The following SFRP1 variants were observed in gnomAD, a reference collection of about 807,000 sequenced individuals.
The protein encoded by SFRP1 is secreted frizzled related protein 1, also known as secreted frizzled-related protein 1.
In SFRP1, 9 loss-of-function variants were observed where a neutral mutation model predicts 25.9. The observed-to-expected ratio is 0.35, with a 90% CI of 0.21 to 0.61. The LOEUF (loss-of-function observed/expected upper bound fraction) is 0.61, where lower values mean the gene tolerates loss of function less well. Ranked by LOEUF, SFRP1 falls within the 20% of genes least tolerant of loss-of-function variation. The pLI is 0.78. For missense variants in SFRP1, 346 were observed against 418.2 expected, an observed-to-expected ratio of 0.83 and a Z score of 1.51; for synonymous variants, 178 against 174.0, an observed-to-expected ratio of 1.02 and a Z score of -0.18.
At chr8:41,289,206 G>A (rs917035679) in intron 2 of SFRP1, among the ~76,000 whole-genome samples, 7 of 152,220 alleles carry the variant, frequency 4.6e-5, no homozygotes, top group African/African-American at 1.4e-4. Context: ...CACCTAGAGA[G>A]CAAGTCACAG....
intron 2 of SFRP1, 52 bp downstream of exon 2, chr8:41,303,409 A>G: frequency 7.4e-7 from 1 of 1,351,150 alleles, no homozygotes; most frequent in Non-Finnish European, 1.1e-6. Context: ...TGGCAGAGGC[A>G]CAGACCAGGA....
chr8:41,286,127 A>G (rs545333583), intron 2 of SFRP1, among the ~76,000 whole-genome samples: 16 of 152,094 alleles, frequency 1.1e-4, no homozygotes, highest in African/African-American at 3.9e-4. Flanking sequence ...ATGGGGGGAC[A>G]GGGATGGGGA....
At chr8:41,295,371 A>G (rs1803830733) in intron 2 of SFRP1, among the ~76,000 whole-genome samples, 2 of 150,556 alleles carry the variant, frequency 1.3e-5, no homozygotes, top group Admixed American at 1.3e-4. Context: ...AAAAAAAAAG[A>G]AAAAAAAATT....
At chr8:41,272,623 A>G (rs1174432361) in intron 2 of SFRP1, among the ~76,000 whole-genome samples, 1 of 152,190 alleles carries the variant, frequency 6.6e-6, no homozygotes, top group Non-Finnish European at 1.5e-5. Flanking sequence ...TTTTTTCAAG[A>G]ATATTTTTTA....
intron 2 of SFRP1, among the ~76,000 whole-genome samples, chr8:41,281,483 G>A (rs1803634587): frequency 6.6e-6 from 1 of 152,212 alleles, no homozygotes; most frequent in Non-Finnish European, 1.5e-5. Context: ...GCACAGAAGG[G>A]TTAAGCCCAT....
At chr8:41,283,583 CTT>C (rs34742703) in intron 2 of SFRP1, among the ~76,000 whole-genome samples, 12 of 139,068 alleles carry the variant, frequency 8.6e-5, no homozygotes, top group Admixed American at 1.4e-4. Flanking sequence ...CTCCAACTTT[CTT>C]TTTTTTTTTT....
chr8:41,306,372 A>T (rs1173073357), intron 1 of SFRP1, among the ~76,000 whole-genome samples: 2 of 152,200 alleles, frequency 1.3e-5, no homozygotes, highest in African/African-American at 4.8e-5. Flanking sequence ...AGAGTAGTGC[A>T]TGCATACTTA....
chr8:41,293,891 T>C (rs1448350153), intron 2 of SFRP1, among the ~76,000 whole-genome samples: 1 of 151,296 alleles, frequency 6.6e-6, no homozygotes, highest in African/African-American at 2.4e-5. Flanking sequence ...TCCCACCAAG[T>C]AGCTGGGACC....
intron 2 of SFRP1, among the ~76,000 whole-genome samples, chr8:41,267,645 G>A (rs974417506): frequency 2.0e-5 from 3 of 152,150 alleles, no homozygotes; most frequent in African/African-American, 4.8e-5. Flanking sequence ...AGTATTTTCC[G>A]TGCATTTCCT....
At chr8:41,286,104 A>C (rs1803697548) in intron 2 of SFRP1, among the ~76,000 whole-genome samples, 1 of 151,936 alleles carries the variant, frequency 6.6e-6, no homozygotes, top group Non-Finnish European at 1.5e-5. Context: ...CCCACTTCCA[A>C]AGAGCGTCGG....
intron 2 of SFRP1, among the ~76,000 whole-genome samples, chr8:41,274,307 T>G (rs921655692): frequency 1.3e-5 from 2 of 152,230 alleles, no homozygotes; most frequent in African/African-American, 4.8e-5. Context: ...GATTTCCTGA[T>G]GCATATCTGC....
intron 1 of SFRP1, chr8:41,306,629 G>A: frequency 6.9e-7 from 1 of 1,450,022 alleles, no homozygotes; most frequent in Non-Finnish European, 9.3e-7. Context: ...CAAAACCACT[G>A]AGGGGAAAAC....
chr8:41,273,003 T>C (rs372506634), intron 2 of SFRP1, among the ~76,000 whole-genome samples: 3 of 152,224 alleles, frequency 2.0e-5, no homozygotes, highest in African/African-American at 4.8e-5. Context: ...CACTGGAAAC[T>C]GGAGGATAAT....
chr8:41,267,334 TGAGCGTG>T (rs1378959584), intron 2 of SFRP1, among the ~76,000 whole-genome samples: 1 of 152,202 alleles, frequency 6.6e-6, no homozygotes. Flanking sequence ...TGAAGATAAA[TGAGCGTG>T]GACATGCTCT....
At chr8:41,301,719 C>A (rs1433502345) in intron 2 of SFRP1, among the ~76,000 whole-genome samples, 2 of 152,218 alleles carry the variant, frequency 1.3e-5, no homozygotes, top group African/African-American at 4.8e-5. Flanking sequence ...CCAGGAGGAA[C>A]CCAAAAGTTC....
chr8:41,274,268 G>A lies in SFRP1; in HGVS notation c.623-8779C>T, dbSNP rs572162405. Among the ~76,000 whole-genome samples the A allele has an allele frequency of 2.7e-3, 415 of 152,326 alleles. 2 individuals are homozygous for A. Among genetic ancestry groups the A allele is most frequent in the African/African-American group, 9.3e-3 (388 of 41,572 alleles). On this transcript the variant is annotated intron_variant, in intron 2 of 2. Transcript: ENST00000220772. ...AAAAGCCTAAAGCTCCATCAGCCCA[G>A]ACCAATGGTAGGAAAGAGAACTCAG...
chr8:41,306,708 G>A, intron 1 of SFRP1: 1 of 1,597,164 alleles, frequency 6.3e-7, no homozygotes, highest in Non-Finnish European at 8.5e-7. Flanking sequence ...GACCTGTCTT[G>A]GGAGGGTGAC....
chr8:41,308,582 G>A (rs780260919), intron 1 of SFRP1, 34 bp downstream of exon 1: 10 of 1,507,744 alleles, frequency 6.6e-6, no homozygotes, highest in Admixed American at 1.9e-5. Flanking sequence ...GGATGGAGGG[G>A]GCGGCTCGCG....
intron 2 of SFRP1, among the ~76,000 whole-genome samples, chr8:41,300,423 C>T (rs549733442): frequency 6.6e-6 from 1 of 152,318 alleles, no homozygotes; most frequent in Admixed American, 6.5e-5. Context: ...CACCTGAACT[C>T]TCAAGCTCAA....
Sources: allele counts gnomAD v4.1 joint callset (sites outside exome capture counted in the v4.1 genomes callset), GRCh38; gene constraint gnomAD v4.1.1; transcripts MANE v1.5; gene names NCBI Gene and HGNC (gene_info 2026-07-23, HGNC 2026-07-21).